Variants in CEP162 observed in about 807,000 individuals in gnomAD.
CEP162 encodes the protein centrosomal protein of 162 kDa.
CEP162 carries 141 observed loss-of-function variants against 169.2 expected under a neutral mutation model. That is an observed-to-expected ratio of 0.83 (90% CI 0.73 to 0.96). CEP162 has a LOEUF of 0.96. Among genes scored for constraint, CEP162 ranks in the 40% least tolerant of loss-of-function variants. The probability of loss-of-function intolerance (pLI) is 0.00; values close to 1 mark genes in which losing one functional copy is unlikely to be tolerated. For synonymous variants in CEP162, 540 were observed against 526.4 expected, an observed-to-expected ratio of 1.03 and a Z score of -0.35; for missense variants, 1,600 against 1,587.2, an observed-to-expected ratio of 1.01 and a Z score of -0.14.
intron 25 of CEP162, among the ~76,000 whole-genome samples, chr6:84,131,259 A>C (rs1048457504): frequency 2.6e-5 from 4 of 152,116 alleles, no homozygotes; most frequent in African/African-American, 9.7e-5. Context: ...TTTGCTGAGG[A>C]GTGTTTTACT....
chr6:84,206,518 T>C (rs1473533846), intron 6 of CEP162, among the ~76,000 whole-genome samples: 2 of 152,240 alleles, frequency 1.3e-5, no homozygotes, highest in Non-Finnish European at 2.9e-5. Flanking sequence ...CCTAGCCATA[T>C]GTAGAAAGCT....
intron 23 of CEP162, among the ~76,000 whole-genome samples, chr6:84,151,351 G>C (rs1035004276): frequency 6.6e-6 from 1 of 151,990 alleles, no homozygotes; most frequent in Admixed American, 6.6e-5. Flanking sequence ...AAGGAAGACT[G>C]GAAAATGGGA....
chr6:84,221,244 T>C, intron 2 of CEP162, 73 bp from the exon 3 acceptor site: 1 of 754,930 alleles, frequency 1.3e-6, no homozygotes, highest in Non-Finnish European at 2.3e-6. Context: ...TCATTAAGCA[T>C]GTTTCTATTA....
chr6:84,217,653 A>G (rs943874751), intron 3 of CEP162: 1 of 152,438 alleles, frequency 6.6e-6, no homozygotes, highest in Non-Finnish European at 1.5e-5. Context: ...ATGAGAAGCT[A>G]TTAGAGGGAA....
At chr6:84,125,886 C>A (rs2099508740) in intron 26 of CEP162, among the ~76,000 whole-genome samples, 1 of 152,136 alleles carries the variant, frequency 6.6e-6, no homozygotes, top group African/African-American at 2.4e-5. Flanking sequence ...ACTGTTCAAA[C>A]CAAGTTAAAT....
rs759738816 is a variant in CEP162, at chr6:84,221,084, TCCA to T, written c.142_144del (p.Trp48del). ...TCATCTTTAAAATCATCTTCAGTTATCCACCAAGGCACTGTATCTTTCTTCTTC... is the reference window on the plus strand; with the variant it reads ...TCATCTTTAAAATCATCTTCAGTTATCCAAGGCACTGTATCTTTCTTCTTC... On this transcript the variant is annotated inframe_deletion, in exon 3 of 27. Coordinates refer to ENST00000403245, the MANE Select transcript of CEP162 (RefSeq NM_014895.4). 8 of 1,591,276 alleles carry T rather than the reference TCCA, an allele frequency of 5.0e-6. No individual in the cohort carries two copies. The highest frequency in any genetic ancestry group is 6.9e-6 in the Non-Finnish European group (8 of 1,160,568).
At chr6:84,201,016 C>T (rs959899714) in intron 8 of CEP162, 111 bp from the exon 9 acceptor site, 25 of 529,232 alleles carry the variant, frequency 4.7e-5, no homozygotes, top group Admixed American at 3.5e-4. Flanking sequence ...CGGTGGCTCA[C>T]GCCTGTAATC....
chr6:84,181,485 A>C (rs2099534808), intron 13 of CEP162, among the ~76,000 whole-genome samples: 1 of 152,334 alleles, frequency 6.6e-6, no homozygotes, highest in Admixed American at 6.5e-5. Context: ...TGGCAACAAA[A>C]GTCAAAATTG....
intron 17 of CEP162, among the ~76,000 whole-genome samples, chr6:84,170,761 T>C (rs2099529799): frequency 6.6e-6 from 1 of 152,228 alleles, no homozygotes; most frequent in South Asian, 2.1e-4. Context: ...AGCTTGTCCA[T>C]GTTCACGGGC....
Position 84,194,782 on chromosome 6 carries a change from T to G in CEP162, c.1027+102A>C, listed in dbSNP as rs552448349. 4.2e-5 allele frequency: 41 copies of G among 974,028 alleles called. 1 individual carries two copies. In the South Asian group the frequency reaches 6.3e-4, roughly 15 times the overall value. 60.3% of individuals were successfully genotyped at this position (974,028 alleles called of 1,614,324 possible). A position where few individuals can be genotyped will look rare whatever the true frequency, so the allele number is the denominator to read the frequency against. ...AATTTCTTTAATTAAGCTCAGAGAC[T>G]GAGAAACAATCACTACAGCAAATTG... On this transcript the variant is annotated intron_variant, in intron 10 of 26. Transcript: ENST00000403245.
At chr6:84,218,402 T>G (rs1481146701) in intron 3 of CEP162, among the ~76,000 whole-genome samples, 5 of 152,216 alleles carry the variant, frequency 3.3e-5, no homozygotes, top group African/African-American at 4.8e-5. Context: ...GGTCTTGCTC[T>G]GTATTCCAAG....
intron 25 of CEP162, among the ~76,000 whole-genome samples, chr6:84,142,763 C>T (rs989148463): frequency 2.6e-5 from 4 of 152,126 alleles, no homozygotes; most frequent in African/African-American, 7.2e-5. Context: ...GGAGTTCATC[C>T]CCAAATCAAA....
chr6:84,159,874 G>A (rs1325402550), intron 21 of CEP162, among the ~76,000 whole-genome samples: 9 of 151,798 alleles, frequency 5.9e-5, no homozygotes, highest in Non-Finnish European at 1.3e-4. Context: ...GAGCCACCGC[G>A]CCTGGCCAAA....
intron 21 of CEP162, among the ~76,000 whole-genome samples, chr6:84,159,509 T>A (rs1458999069): frequency 2.3e-4 from 32 of 136,832 alleles, no homozygotes; most frequent in Non-Finnish European, 3.9e-4. Context: ...TAGTTCTTTT[T>A]TAAAATTAAT....
At position 84,188,985 on chromosome 6, in the gene CEP162, A is replaced by G. The variant is rs542330267; in HGVS notation, c.1110-2362T>C. Among the ~76,000 whole-genome samples the G allele has an allele frequency of 3.5e-4, 53 of 151,664 alleles. No individual in the cohort carries two copies. In the East Asian group the frequency reaches 9.9e-3, roughly 28 times the overall value. On this transcript the variant is annotated intron_variant, in intron 11 of 26. Transcript: ENST00000403245. ...ATTTGTATTTCTCTAATGATTAGTG[A>G]TGTTGAGCATTTTTTCAAATGCTTG...
Position 84,124,959 on chromosome 6 carries a change from C to T in CEP162, c.*111G>A, listed in dbSNP as rs2099508314. 1 of 821,980 alleles carries T rather than the reference C, an allele frequency of 1.2e-6. No individual in the cohort carries two copies. Among genetic ancestry groups the T allele is most frequent in the Non-Finnish European group, 1.9e-6 (1 of 520,920 alleles). 50.9% of individuals were successfully genotyped at this position (821,980 alleles called of 1,614,324 possible). ...TTTGAAATGTTGCTTTGGTTGTTTG[C>T]TTTCTGGAAACATATTGGAACACTT... On this transcript the variant is annotated 3_prime_UTR_variant, in exon 27 of 27. Transcript: ENST00000403245.
At chr6:84,126,716 T>A (rs1055791388) in intron 25 of CEP162, among the ~76,000 whole-genome samples, 3 of 152,126 alleles carry the variant, frequency 2.0e-5, no homozygotes, top group Admixed American at 2.0e-4. Flanking sequence ...TCTAAGAGGT[T>A]CCGGATGAAT....
At chr6:84,127,003 C>T (rs1005437844) in intron 25 of CEP162, among the ~76,000 whole-genome samples, 11 of 151,972 alleles carry the variant, frequency 7.2e-5, no homozygotes, top group African/African-American at 2.4e-4. Context: ...TAGTTCATTC[C>T]ACAAATAAAT....
At chr6:84,134,202 C>G (rs1282793476) in intron 25 of CEP162, among the ~76,000 whole-genome samples, 1 of 152,200 alleles carries the variant, frequency 6.6e-6, no homozygotes, top group Admixed American at 6.5e-5. Flanking sequence ...GTGGATGCCA[C>G]TCCCCCCACC....
Sources: gnomAD v4.1 joint callset for allele counts (sites outside exome capture counted in the v4.1 genomes callset) on GRCh38, gnomAD v4.1.1 for gene constraint, MANE v1.5 for transcripts, NCBI Gene and HGNC (gene_info 2026-07-23, HGNC 2026-07-21) for gene names.